Variants in LTBP1 observed in about 807,000 individuals in gnomAD.
LTBP1 encodes the protein latent transforming growth factor beta binding protein 1.
In LTBP1, 129 loss-of-function variants were observed where a neutral mutation model predicts 207.6. The observed-to-expected ratio is 0.62, with a 90% CI of 0.54 to 0.72. LTBP1 has a LOEUF of 0.72. Ranked by LOEUF, LTBP1 falls within the 30% of genes least tolerant of loss-of-function variation. The probability of loss-of-function intolerance (pLI) is 0.00; values close to 1 mark genes in which losing one functional copy is unlikely to be tolerated. For missense variants in LTBP1, 2,281 were observed against 2,217.2 expected (o/e 1.03, Z -0.58); for synonymous variants, 963 against 833.7 (o/e 1.16, Z -2.67).
chr2:33,040,739 A>C (rs1423507950), intron 3 of LTBP1, among the ~76,000 whole-genome samples: 1 of 152,164 alleles, frequency 6.6e-6, no homozygotes, highest in South Asian at 2.1e-4. Context: ...TGAACTATTT[A>C]CTGGACAGCA....
chr2:33,348,718 TTAGA>T (rs1400611942), intron 26 of LTBP1, among the ~76,000 whole-genome samples: 21 of 152,208 alleles, frequency 1.4e-4, no homozygotes, highest in African/African-American at 4.1e-4. Context: ...TGGGTGATGC[TTAGA>T]TAGTCATGAT....
At chr2:33,110,490 T>G (rs2080340893) in intron 3 of LTBP1, 92 bp from the exon 4 acceptor site, 1 of 1,173,420 alleles carries the variant, frequency 8.5e-7, no homozygotes, top group Non-Finnish European at 1.2e-6. Context: ...GATGCTCCTT[T>G]CTACATTTAA....
chr2:33,038,324 C>G (rs940144999), intron 3 of LTBP1, among the ~76,000 whole-genome samples: 1 of 152,182 alleles, frequency 6.6e-6, no homozygotes, highest in African/African-American at 2.4e-5. Flanking sequence ...TTTGGTTTCC[C>G]CTGCAGAAAG....
intron 12 of LTBP1, among the ~76,000 whole-genome samples, chr2:33,258,770 AC>A (rs2092930578): frequency 6.6e-6 from 1 of 152,276 alleles, no homozygotes; most frequent in African/African-American, 2.4e-5. Flanking sequence ...TTTGTCTGGT[AC>A]CCTGATTGCT....
chr2:33,072,025 C>T (rs2077816974), intron 3 of LTBP1, among the ~76,000 whole-genome samples: 1 of 100,276 alleles, frequency 1.0e-5, no homozygotes, highest in Non-Finnish European at 2.6e-5. Context: ...AGGGCTCAGT[C>T]CCACGAGACT....
intron 24 of LTBP1, among the ~76,000 whole-genome samples, chr2:33,325,218 G>C (rs2094411655): frequency 6.6e-6 from 1 of 152,130 alleles, no homozygotes; most frequent in South Asian, 2.1e-4. Context: ...GTTTGCATTT[G>C]AGCATTGGAG....
At chr2:33,398,279 G>T in intron 33 of LTBP1, 85 bp from the exon 34 acceptor site, 2 of 1,284,714 alleles carry the variant, frequency 1.6e-6, no homozygotes, top group South Asian at 1.4e-5. Flanking sequence ...GTGGTCGGGG[G>T]AAGGGCCTCA....
chr2:33,090,898 C>G (rs1025137119), intron 3 of LTBP1, among the ~76,000 whole-genome samples: 49 of 152,200 alleles, frequency 3.2e-4, no homozygotes, highest in African/African-American at 1.2e-3. Context: ...TCAGTTTTCC[C>G]TCCCCTTGGC....
intron 7 of LTBP1, among the ~76,000 whole-genome samples, chr2:33,190,568 C>T (rs1454477449): frequency 2.6e-5 from 4 of 152,086 alleles, no homozygotes; most frequent in South Asian, 2.1e-4. Flanking sequence ...GCCCAGCACT[C>T]GGTAGGAGGG....
chr2:33,103,765 G>A (rs1449041469), intron 3 of LTBP1, among the ~76,000 whole-genome samples: 1 of 152,080 alleles, frequency 6.6e-6, no homozygotes, highest in Admixed American at 6.6e-5. Context: ...TAATTTACTT[G>A]AATGCCCATC....
intron 3 of LTBP1, among the ~76,000 whole-genome samples, chr2:33,097,611 C>G (rs1285009504): frequency 6.6e-6 from 1 of 152,174 alleles, no homozygotes; most frequent in African/African-American, 2.4e-5. Context: ...AATGGTACCA[C>G]TCTCCTTCAC....
chr2:32,988,591 A>G (rs1399678015), intron 2 of LTBP1, among the ~76,000 whole-genome samples: 10 of 152,226 alleles, frequency 6.6e-5, no homozygotes, highest in Non-Finnish European at 1.0e-4. Context: ...AAGAACAATA[A>G]TCTATTCTTA....
chr2:32,999,629 C>T (rs62135735), intron 2 of LTBP1, among the ~76,000 whole-genome samples: 12,689 of 133,530 alleles, frequency 0.095, 2,872 homozygotes, highest in Middle Eastern at 0.17. Flanking sequence ...CGGTGGCTCA[C>T]GCCTGTAATC....
intron 19 of LTBP1, among the ~76,000 whole-genome samples, chr2:33,290,397 A>T (rs1216978530): frequency 6.6e-6 from 1 of 152,210 alleles, no homozygotes; most frequent in Non-Finnish European, 1.5e-5. Flanking sequence ...GCCTTCTGCT[A>T]TCATTACCAC....
At chr2:33,238,228 A>G (rs185370176) in intron 9 of LTBP1, among the ~76,000 whole-genome samples, 2 of 152,296 alleles carry the variant, frequency 1.3e-5, no homozygotes, top group East Asian at 1.9e-4. Context: ...AGAAAGCTTC[A>G]TATTTTCACA....
intron 3 of LTBP1, among the ~76,000 whole-genome samples, chr2:33,109,812 G>A (rs218224): frequency 0.59 from 90,134 of 152,126 alleles, 30,157 homozygotes; most frequent in East Asian, 0.99. Context: ...GATTTTTACA[G>A]CCACTTTTTT....
At chr2:33,269,581 A>G (rs2093269303) in intron 15 of LTBP1, among the ~76,000 whole-genome samples, 1 of 152,172 alleles carries the variant, frequency 6.6e-6, no homozygotes, top group African/African-American at 2.4e-5. Flanking sequence ...TGACACAAGA[A>G]ATGAGTGCTG....
At chr2:32,972,005 G>A (rs772798340) in intron 2 of LTBP1, among the ~76,000 whole-genome samples, 2 of 151,928 alleles carry the variant, frequency 1.3e-5, no homozygotes, top group African/African-American at 2.4e-5. Flanking sequence ...CAGGGTTCCA[G>A]TTTCTTCCTA....
At chr2:33,195,127 G>T (rs954916014) in intron 7 of LTBP1, among the ~76,000 whole-genome samples, 1 of 152,282 alleles carries the variant, frequency 6.6e-6, no homozygotes, top group East Asian at 1.9e-4. Context: ...CTCTAATGGA[G>T]ATGTACAAAA....
Sources: allele counts gnomAD v4.1 joint callset (sites outside exome capture counted in the v4.1 genomes callset), GRCh38; gene constraint gnomAD v4.1.1; transcripts MANE v1.5; gene names NCBI Gene and HGNC (gene_info 2026-07-23, HGNC 2026-07-21).